Variants in MMP26 observed in about 807,000 individuals in gnomAD.
MMP26 encodes the protein matrix metalloproteinase-26.
A neutral mutation model predicts 31.0 loss-of-function variants in MMP26; 33 were observed. The ratio of observed to expected loss-of-function variants is 1.06; its 90% CI spans 0.81 to 1.42. The LOEUF (loss-of-function observed/expected upper bound fraction) is 1.42, where lower values mean the gene tolerates loss of function less well. Ranked by LOEUF, MMP26 falls within the 40% of genes most tolerant of loss-of-function variation. The probability of loss-of-function intolerance (pLI) is 0.00; values close to 1 mark genes in which losing one functional copy is unlikely to be tolerated. For missense variants in MMP26, 347 were observed against 316.1 expected (o/e 1.10, Z -0.74); for synonymous variants, 122 against 114.9 (o/e 1.06, Z -0.40).
intron 2 of MMP26, among the ~76,000 whole-genome samples, chr11:4,778,523 C>T (rs1349904652): frequency 6.6e-6 from 1 of 151,996 alleles, no homozygotes; most frequent in African/African-American, 2.4e-5. Flanking sequence ...CTGCACTATC[C>T]CTGTAATATG....
chr11:4,794,653 G>A (rs981180098), intron 2 of MMP26, among the ~76,000 whole-genome samples: 2 of 152,092 alleles, frequency 1.3e-5, no homozygotes, highest in African/African-American at 2.4e-5. Context: ...CAAACTGTTA[G>A]GAATAGATAA....
intron 2 of MMP26, among the ~76,000 whole-genome samples, chr11:4,938,684 G>T (rs1243505312): frequency 6.6e-6 from 1 of 152,028 alleles, no homozygotes; most frequent in Non-Finnish European, 1.5e-5. Flanking sequence ...CTTGAGCAAG[G>T]AAAGCAAAAT....
At chr11:4,915,739 C>G in intron 2 of MMP26, 1 of 947,722 alleles carries the variant, frequency 1.1e-6, no homozygotes, top group Middle Eastern at 3.0e-4. Context: ...GGTGATTGCA[C>G]CTGGTGGAAA....
At chr11:4,714,923 C>T (rs112967534) in intron 1 of MMP26, among the ~76,000 whole-genome samples, 1 of 83,892 alleles carries the variant, frequency 1.2e-5, no homozygotes, top group Non-Finnish European at 2.5e-5. Flanking sequence ...CTCTCTCTCA[C>T]ACACACACAC....
In MMP26 at chr11:4,801,517, T is replaced by C. The variant is rs1211439565; in HGVS notation, c.-145+34176T>C. 4.8e-5 allele frequency among the ~76,000 whole-genome samples: 3 copies of C among 62,060 alleles called. No individual in the cohort carries two copies. The East Asian group carries it at 7.0e-4, about 15-fold the overall frequency. 40.7% of individuals were successfully genotyped at this position (62,060 alleles called of 152,430 possible). ...AGGTCCCGGACTTTTTATTTATTTA[T>C]TTATTTATTTATTTATTTATTTATT... On this transcript the variant is annotated intron_variant, in intron 2 of 7. Coordinates refer to ENST00000380390, the MANE Select transcript of MMP26 (RefSeq NM_021801.5).
At chr11:4,727,186 A>C (rs1848112124) in intron 1 of MMP26, among the ~76,000 whole-genome samples, 1 of 152,142 alleles carries the variant, frequency 6.6e-6, no homozygotes, top group Non-Finnish European at 1.5e-5. Flanking sequence ...ACAAATAAGA[A>C]AATAAAAACA....
At chr11:4,712,838 C>G (rs1847879026) in intron 1 of MMP26, among the ~76,000 whole-genome samples, 1 of 150,822 alleles carries the variant, frequency 6.6e-6, no homozygotes, top group South Asian at 2.1e-4. Flanking sequence ...GCTTATATCT[C>G]TTATTTTTCC....
chr11:4,857,013 T>C (rs1178997615), intron 2 of MMP26, among the ~76,000 whole-genome samples: 1 of 152,164 alleles, frequency 6.6e-6, no homozygotes, highest in East Asian at 1.9e-4. Context: ...AAAGATGTTC[T>C]TTGAAACCAG....
At chr11:4,757,604 G>C (rs1005040009) in intron 1 of MMP26, among the ~76,000 whole-genome samples, 3 of 150,116 alleles carry the variant, frequency 2.0e-5, no homozygotes, top group Non-Finnish European at 3.0e-5. Flanking sequence ...ACTCAATAAA[G>C]AGACAAACAA....
chr11:4,952,337 G>A lies in MMP26; in HGVS notation c.-144-35731G>A, dbSNP rs578209535. On this transcript the variant is annotated intron_variant, in intron 2 of 7. Coordinates refer to ENST00000380390, the MANE Select transcript of MMP26 (RefSeq NM_021801.5). ...TGCTCCTCATCTTGTTAGTGGAAAT[G>A]AAGTCTTTATATTGAGCTGCCTATC... Among the ~76,000 whole-genome samples, 8 of 124,948 alleles carry A rather than the reference G, an allele frequency of 6.4e-5. No homozygotes were observed. In the South Asian group the frequency reaches 1.9e-3, roughly 30 times the overall value. 82.0% of individuals were successfully genotyped at this position (124,948 alleles called of 152,430 possible). A position where few individuals can be genotyped will look rare whatever the true frequency, so the allele number is the denominator to read the frequency against.
chr11:4,780,006 A>T (rs139824630), intron 2 of MMP26, among the ~76,000 whole-genome samples: 12 of 152,212 alleles, frequency 7.9e-5, no homozygotes, highest in African/African-American at 2.4e-4. Context: ...ATATTCATCC[A>T]TGTTGCTGTA....
At chr11:4,854,971 G>A (rs989577164) in intron 2 of MMP26, among the ~76,000 whole-genome samples, 1 of 152,192 alleles carries the variant, frequency 6.6e-6, no homozygotes, top group African/African-American at 2.4e-5. Context: ...CGGACCTCCA[G>A]CAAACTCCAA....
intron 2 of MMP26, among the ~76,000 whole-genome samples, chr11:4,783,888 C>T (rs530875035): frequency 6.6e-6 from 1 of 152,216 alleles, no homozygotes; most frequent in African/African-American, 2.4e-5. Flanking sequence ...TCGTCTTCCA[C>T]TATGATTGTG....
intron 2 of MMP26, chr11:4,923,604 G>A (rs2133583066): frequency 6.2e-7 from 1 of 1,614,152 alleles, no homozygotes; most frequent in East Asian, 2.2e-5. Flanking sequence ...GCACAGATAT[G>A]AGAGACACAG....
At chr11:4,821,553 T>C in intron 2 of MMP26, 1 of 1,612,774 alleles carries the variant, frequency 6.2e-7, no homozygotes, top group Non-Finnish European at 8.5e-7. Flanking sequence ...TCTCTGGAAA[T>C]AGCATGATCC....
At chr11:4,909,597 CA>C (rs1393313837) in intron 2 of MMP26, 1 of 152,144 alleles carries the variant, frequency 6.6e-6, no homozygotes, top group African/African-American at 2.4e-5. Flanking sequence ...ATATTTTAAA[CA>C]AAGTTTGGTT....
intron 2 of MMP26, among the ~76,000 whole-genome samples, chr11:4,837,819 A>C (rs1849739321): frequency 6.6e-6 from 1 of 152,038 alleles, no homozygotes; most frequent in Non-Finnish European, 1.5e-5. Context: ...TGAAAGAGAG[A>C]CAGTTTTCTG....
intron 2 of MMP26, among the ~76,000 whole-genome samples, chr11:4,789,594 G>A (rs944395299): frequency 4.4e-5 from 5 of 113,520 alleles, no homozygotes; most frequent in Admixed American, 1.4e-4. Flanking sequence ...AGGCTGGATT[G>A]CAGTAGCATG....
At chr11:4,917,049 A>G (rs539028022) in intron 2 of MMP26, among the ~76,000 whole-genome samples, 2 of 152,206 alleles carry the variant, frequency 1.3e-5, no homozygotes, top group Non-Finnish European at 2.9e-5. Flanking sequence ...CTCAATTAAT[A>G]TCACTGGAAT....
Sources: gnomAD v4.1 joint callset for allele counts (sites outside exome capture counted in the v4.1 genomes callset) on GRCh38, gnomAD v4.1.1 for gene constraint, MANE v1.5 for transcripts, NCBI Gene and HGNC (gene_info 2026-07-23, HGNC 2026-07-21) for gene names.